LYPD6: variants seen among roughly 807,000 people sequenced by gnomAD.
LYPD6 encodes ly6/PLAUR domain-containing protein 6.
In LYPD6, 15 loss-of-function variants were observed where a neutral mutation model predicts 22.7. The observed-to-expected ratio is 0.66, with a 90% CI of 0.44 to 1.02. The LOEUF (loss-of-function observed/expected upper bound fraction) is 1.02, where lower values mean the gene tolerates loss of function less well. Among genes scored for constraint, LYPD6 ranks in the 50% least tolerant of loss-of-function variants. The pLI is 0.00. For missense variants in LYPD6, 189 were observed against 208.4 expected, an observed-to-expected ratio of 0.91 and a Z score of 0.57; for synonymous variants, 72 against 77.5, an observed-to-expected ratio of 0.93 and a Z score of 0.37.
At chr2:149,342,566 T>A (rs966437759) in intron 1 of LYPD6, among the ~76,000 whole-genome samples, 3 of 152,208 alleles carry the variant, frequency 2.0e-5, no homozygotes, top group Non-Finnish European at 4.4e-5. Context: ...AGATGTACAC[T>A]GTTCTTCTAT....
chr2:149,461,264 A>T (rs1390558288), intron 3 of LYPD6, among the ~76,000 whole-genome samples: 1 of 152,018 alleles, frequency 6.6e-6, no homozygotes, highest in Non-Finnish European at 1.5e-5. Flanking sequence ...ATAAGGGAAT[A>T]GTATGAACAA....
rs555983325 is a variant in LYPD6 at position 149,449,234 on chromosome 2, A to G, written c.217+87A>G. The G allele has an allele frequency of 3.0e-5, 24 of 796,616 alleles. No homozygotes were observed. The African/African-American group carries it at 3.7e-4, about 12-fold the overall frequency. The allele number at this position is 796,616 out of a possible 1,614,324, so 49.3% of individuals were successfully genotyped here. On this transcript the variant is annotated intron_variant, in intron 3 of 4. Transcript: ENST00000334166. ...ACTTTGGTGATGTATAAAGAGAGGC[A>G]TGCTTGCAATCTCAGCTGCTCCTCT...
intron 2 of LYPD6, 121 bp from the exon 3 acceptor site, chr2:149,448,928 G>A (rs773331637): frequency 5.1e-5 from 38 of 740,166 alleles, no homozygotes; most frequent in Non-Finnish European, 7.9e-5. Flanking sequence ...GTAGTTGAAG[G>A]TTTAAGAAAC....
At chr2:149,391,841 C>T (rs1439168011) in intron 1 of LYPD6, among the ~76,000 whole-genome samples, 1 of 152,146 alleles carries the variant, frequency 6.6e-6, no homozygotes, top group Non-Finnish European at 1.5e-5. Context: ...GAAATAGAAA[C>T]TAATTGATGT....
chr2:149,378,475 A>T (rs1479564049), intron 1 of LYPD6, among the ~76,000 whole-genome samples: 2 of 152,188 alleles, frequency 1.3e-5, no homozygotes, highest in East Asian at 3.8e-4. Flanking sequence ...TCCTGTTTTT[A>T]AGTAGTCAGT....
intron 1 of LYPD6, among the ~76,000 whole-genome samples, chr2:149,371,269 G>A (rs1054518274): frequency 6.6e-6 from 1 of 152,176 alleles, no homozygotes; most frequent in Non-Finnish European, 1.5e-5. Context: ...ATCTAAGGAT[G>A]TCTGGCCCAA....
At chr2:149,468,089 A>C (rs1181681482) in intron 3 of LYPD6, among the ~76,000 whole-genome samples, 1 of 145,124 alleles carries the variant, frequency 6.9e-6, no homozygotes, top group African/African-American at 2.6e-5. Flanking sequence ...CATTGGCACA[A>C]AGTTTTAAAT....
the LYPD6 span, among the ~76,000 whole-genome samples, chr2:149,485,976 A>G: frequency 1.3e-5 from 2 of 152,212 alleles, no homozygotes. Context: ...TCTGGCTGCC[A>G]TTCATCCTAA....
At chr2:149,347,793 G>T (rs936096704) in intron 1 of LYPD6, among the ~76,000 whole-genome samples, 8 of 152,038 alleles carry the variant, frequency 5.3e-5, no homozygotes, top group Non-Finnish European at 2.9e-5. Flanking sequence ...TCTTTTAATT[G>T]CATGAACACT....
chr2:149,393,917 C>A (rs2105101327), intron 1 of LYPD6, among the ~76,000 whole-genome samples: 1 of 152,276 alleles, frequency 6.6e-6, no homozygotes, highest in East Asian at 1.9e-4. Context: ...GCTCTCCTTT[C>A]TGGTGAGGTT....
chr2:149,481,731 A>T, the LYPD6 span, among the ~76,000 whole-genome samples: 4 of 152,224 alleles, frequency 2.6e-5, no homozygotes, highest in Non-Finnish European at 4.4e-5. Flanking sequence ...TAGGAAGCAA[A>T]TATGTACATT....
intron 1 of LYPD6, among the ~76,000 whole-genome samples, chr2:149,380,185 A>G (rs1291460128): frequency 6.6e-6 from 1 of 152,236 alleles, no homozygotes; most frequent in African/African-American, 2.4e-5. Context: ...AATAGGAGAT[A>G]AGGTCAGAAA....
At chr2:149,421,444 G>A (rs1683077450) in intron 1 of LYPD6, among the ~76,000 whole-genome samples, 1 of 148,874 alleles carries the variant, frequency 6.7e-6, no homozygotes, top group African/African-American at 2.5e-5. Flanking sequence ...CCCAGTTTCT[G>A]TATCTGTAAA....
intron 4 of LYPD6, 41 bp downstream of exon 4, chr2:149,468,816 C>T: frequency 1.2e-6 from 2 of 1,604,748 alleles, no homozygotes; most frequent in African/African-American, 1.3e-5. Context: ...ACATAGCCAG[C>T]TGCCTTCTCT....
At chr2:149,443,930 CTTTT>C (rs766245738) in intron 2 of LYPD6, among the ~76,000 whole-genome samples, 3 of 114,102 alleles carry the variant, frequency 2.6e-5, no homozygotes, top group Non-Finnish European at 3.6e-5. Context: ...ATGTGCATAT[CTTTT>C]TTTTTTTTTT....
intron 1 of LYPD6, among the ~76,000 whole-genome samples, chr2:149,337,013 A>G (rs549295670): frequency 3.9e-5 from 6 of 151,946 alleles, no homozygotes; most frequent in Admixed American, 2.0e-4. Flanking sequence ...GAACTAGGAA[A>G]TGTAAAAAGA....
chr2:149,447,455 C>T (rs1256557093), intron 2 of LYPD6, among the ~76,000 whole-genome samples: 4 of 152,210 alleles, frequency 2.6e-5, no homozygotes, highest in Non-Finnish European at 5.9e-5. Flanking sequence ...CTGGTAGCCT[C>T]TGGTGCCTCA....
intron 1 of LYPD6, among the ~76,000 whole-genome samples, chr2:149,425,436 G>A (rs778112855): frequency 1.4e-4 from 21 of 152,108 alleles, no homozygotes; most frequent in Non-Finnish European, 2.1e-4. Context: ...ATGATGAGTG[G>A]GTGAATGAGT....
At chr2:149,368,259 T>G (rs943337615) in intron 1 of LYPD6, 4 of 152,304 alleles carry the variant, frequency 2.6e-5, no homozygotes, top group Admixed American at 6.5e-5. Context: ...CAGGCTTTGC[T>G]GGGAGGCATT....
Sources: gnomAD v4.1 joint callset for allele counts (sites outside exome capture counted in the v4.1 genomes callset) on GRCh38, gnomAD v4.1.1 for gene constraint, MANE v1.5 for transcripts, NCBI Gene and HGNC (gene_info 2026-07-23, HGNC 2026-07-21) for gene names.